Variants in MKS1 observed in about 807,000 individuals in gnomAD.
The protein encoded by MKS1 is MKS transition zone complex subunit 1, also known as tectonic-like complex member MKS1.
Under a neutral mutation model 83.7 loss-of-function variants are expected in MKS1, and 70 were observed. The observed-to-expected ratio is 0.84, with a 90% CI of 0.69 to 1.02. The LOEUF (loss-of-function observed/expected upper bound fraction) is 1.02, where lower values mean the gene tolerates loss of function less well. Among genes scored for constraint, MKS1 ranks in the 50% least tolerant of loss-of-function variants. MKS1 has a pLI of 0.00. For synonymous variants in MKS1, 251 were observed against 273.4 expected (o/e 0.92, Z 0.81); for missense variants, 681 against 726.9 (o/e 0.94, Z 0.73).
chr17:58,210,340 C>T (rs752068194), intron 11 of MKS1, among the ~76,000 whole-genome samples: 1 of 152,004 alleles, frequency 6.6e-6, no homozygotes, highest in Non-Finnish European at 1.5e-5. Context: ...TGTGGGTACT[C>T]TCACGGTTTA....
Position 58,216,701 on chromosome 17 carries a change from TCTC to T in MKS1, c.223_225del (p.Glu75del). ...AGCTTCTCCTGCCACCCAATCACAATCTCCTCCTCTTCGTCTTCCTCTGGGCGG... is the reference window on the plus strand; with the variant it reads ...AGCTTCTCCTGCCACCCAATCACAATCTCCTCTTCGTCTTCCTCTGGGCGG... On this transcript the variant is annotated inframe_deletion, in exon 3 of 18. Coordinates refer to ENST00000393119, the MANE Select transcript of MKS1 (RefSeq NM_017777.4). The T allele has an allele frequency of 6.2e-7, 1 of 1,614,106 alleles. No individual in the cohort carries two copies. Among genetic ancestry groups the T allele is most frequent in the Non-Finnish European group, 8.5e-7 (1 of 1,180,028 alleles).
chr17:58,218,952 TG>T, intron 1 of MKS1, 198 bp downstream of exon 1: 6 of 878,512 alleles, frequency 6.8e-6, no homozygotes, highest in Non-Finnish European at 1.1e-5. Flanking sequence ...AACAAAGACG[TG>T]AATGGACTTG....
intron 4 of MKS1, 90 bp from the exon 5 acceptor site, chr17:58,214,928 A>T (rs560056096): frequency 5.3e-6 from 8 of 1,520,232 alleles, no homozygotes; most frequent in Middle Eastern, 1.9e-4. Flanking sequence ...CTGAAACCTC[A>T]TCCAGGACCT....
At position 58,206,378 on chromosome 17, in the gene MKS1, G is replaced by A; in HGVS notation, c.1493C>T (p.Ala498Val). The A allele has an allele frequency of 6.2e-7, 1 of 1,614,096 alleles. No homozygotes were observed. Among genetic ancestry groups the A allele is most frequent in the Non-Finnish European group, 8.5e-7 (1 of 1,179,998 alleles). ...FRLHCLQQSR[A>V]FMESSSLQKR... ...CTGAAGGGAGCTCGATTCCATGAAG[G>A]CCCTGCAGGGAGGCCAGCCACATGG... Residue 498 changes from alanine (A) to valine (V), a missense_variant and splice_region_variant, in exon 17 of 18, where the codon GCC (alanine) becomes GTC (valine). Physicochemically the swap from Ala to Val is moderately conservative, Grantham distance 64. Coordinates refer to ENST00000393119, the MANE Select transcript of MKS1 (RefSeq NM_017777.4).
intron 1 of MKS1, 123 bp from the exon 2 acceptor site, chr17:58,218,852 G>C: frequency 1.1e-6 from 1 of 945,340 alleles, no homozygotes; most frequent in Non-Finnish European, 1.7e-6. Flanking sequence ...TGCAGACAAC[G>C]GAGAGGAGGT....
At chr17:58,214,616 A>G in intron 5 of MKS1, 125 bp downstream of exon 5, 1 of 1,086,750 alleles carries the variant, frequency 9.2e-7, no homozygotes, top group Non-Finnish European at 1.2e-6. Context: ...TTTTATATTT[A>G]TTTTTTAAAT....
In MKS1 at chr17:58,206,289, C is replaced by T. The variant is rs1555596664; in HGVS notation, c.1582G>A (p.Val528Met). The part of the protein sequence containing the change: ...GFSQQSSIHN[V>M]LEAFRRARRR... ...GCTGGGGGAGGGGACATACCTAGCA[C>T]ATTGTGAATGGAACTCTGCTGGCTG... Residue 528 changes from valine to methionine, a missense_variant, in exon 17 of 18, where the codon GTG becomes ATG. Coordinates refer to ENST00000393119, the MANE Select transcript of MKS1 (RefSeq NM_017777.4). The T allele has an allele frequency of 2.5e-6, 4 of 1,614,162 alleles. No individual in the cohort carries two copies. Among genetic ancestry groups the T allele is most frequent in the Non-Finnish European group, 2.5e-6 (3 of 1,180,028 alleles).
In MKS1 at chr17:58,212,544, AGGC is replaced by A. The variant is rs2143790200; in HGVS notation, c.859-113_859-111del. On this transcript the variant is annotated intron_variant, in intron 8 of 17. Transcript: ENST00000393119. ...AGTGGGAAGGGTCAGCAAGAGCTGG[AGGC>A]GTAAGCACCTGACTCACCGCCATTT... 5 of 1,200,174 alleles carry A rather than the reference AGGC, an allele frequency of 4.2e-6. No individual in the cohort carries two copies. The South Asian group carries it at 6.2e-5, about 15-fold the overall frequency. 74.3% of individuals were successfully genotyped at this position (1,200,174 alleles called of 1,614,324 possible). A position where few individuals can be genotyped will look rare whatever the true frequency, so the allele number is the denominator to read the frequency against.
chr17:58,219,178 C>T lies in MKS1; in HGVS notation c.53G>A (p.Arg18Gln). 6.4e-7 allele frequency: 1 copy of T among 1,551,296 alleles called. No individual in the cohort carries two copies. Among genetic ancestry groups the T allele is most frequent in the Non-Finnish European group, 8.7e-7 (1 of 1,146,992 alleles). The stretch of plus-strand genomic sequence containing the variant: ...GAGGCGCAAGTTGCGCACGGGGTCC[C>T]GGGAGCGATACACTGCCTCCCCGGT... ...TDTGEAVYRSRDPVRNLRLRV... is the reference protein window; with the variant it reads ...TDTGEAVYRSQDPVRNLRLRV... Residue 18 changes from arginine to glutamine, a missense_variant, in exon 1 of 18, where the codon CGG becomes CAG. This residue lies in a region of MKS1 where 365 missense variants were observed against 383.8 expected (regional missense o/e 0.95). Coordinates refer to ENST00000393119, the MANE Select transcript of MKS1 (RefSeq NM_017777.4).
In MKS1 at chr17:58,209,714, C is replaced by T. The variant is rs1265767350; in HGVS notation, c.1024+945G>A. ...GCAGGGGCCAGCTCATTCAGGGTAT[C>T]AAGTTTACATTTTACTCTAAGTGGG... On this transcript the variant is annotated intron_variant, in intron 11 of 17. Coordinates refer to ENST00000393119, the MANE Select transcript of MKS1 (RefSeq NM_017777.4). The surrounding 1 kb of genome is among the most constrained non-coding windows in gnomAD (Gnocchi z 4.1). Among the ~76,000 whole-genome samples, 1 of 152,168 alleles carries T rather than the reference C, an allele frequency of 6.6e-6. No individual in the cohort carries two copies.
At chr17:58,219,123 G>C (rs2143842371) in intron 1 of MKS1, 28 bp downstream of exon 1, 2 of 1,550,102 alleles carry the variant, frequency 1.3e-6, no homozygotes, top group South Asian at 1.2e-5. Context: ...AAAAGCATGG[G>C]GCCTCGGGGC....
chr17:58,218,481 GC>G (rs1174645878), intron 2 of MKS1, 138 bp downstream of exon 2: 3 of 152,598 alleles, frequency 2.0e-5, no homozygotes, highest in Non-Finnish European at 3.8e-5. Flanking sequence ...AAAAAAAAAA[GC>G]CACAAATAGA....
At position 58,211,006 on chromosome 17, in the gene MKS1, A is replaced by G. The variant is rs1304907848; in HGVS notation, c.932T>C (p.Leu311Pro). 6.2e-7 allele frequency: 1 copy of G among 1,613,932 alleles called. No homozygotes were observed. Among genetic ancestry groups the G allele is most frequent in the African/African-American group, 1.3e-5 (1 of 74,928 alleles). The change falls in exon 10 of 18, where the codon CTC (leucine) becomes CCC (proline). Residue 311 changes from leucine (L) to proline (P), a missense_variant. Leu to Pro is a moderately conservative substitution (Grantham distance 98). Around this residue, in one of 3 missense-constraint regions of MKS1, gnomAD observed 310 missense variants for 321.7 expected, o/e 0.96. Coordinates refer to ENST00000393119, the MANE Select transcript of MKS1 (RefSeq NM_017777.4). ...GACCTCTCCATTTACAAAGAGCCGGAGGGCACCTGGGACAGTCTAAGGTGA... is the reference window on the plus strand; with the variant it reads ...GACCTCTCCATTTACAAAGAGCCGGGGGGCACCTGGGACAGTCTAAGGTGA... ...TDFEMTVPGA[L>P]RLFVNGEVVS...
Position 58,208,001 on chromosome 17 carries a change from T to A in MKS1, c.1166A>T (p.Asp389Val), listed in dbSNP as rs373004412. 9 of 1,613,572 alleles carry A rather than the reference T, an allele frequency of 5.6e-6. No individual in the cohort carries two copies. The highest frequency in any genetic ancestry group is 6.8e-6 in the Non-Finnish European group (8 of 1,179,780). The part of the protein sequence containing the change: ...AFFLHEDESS[D>V]ALPEWPVLYC... Reference sequence around the variant, plus strand: ...GAGCACAGGCCACTCCGGGAGTGCATCTGGGAGCAAGGAGAGAAGCGGCCA... The same window carrying A: ...GAGCACAGGCCACTCCGGGAGTGCAACTGGGAGCAAGGAGAGAAGCGGCCA... The change falls in exon 14 of 18, where the codon GAT becomes GTT. Residue 389 changes from aspartate (D) to valine (V), a missense_variant and splice_region_variant. This residue lies in a region of MKS1 where 310 missense variants were observed against 321.7 expected (regional missense o/e 0.96). Coordinates refer to ENST00000393119, the MANE Select transcript of MKS1 (RefSeq NM_017777.4).
At chr17:58,206,261 C>G (rs1968498258) in intron 17 of MKS1, 22 bp downstream of exon 17, 1 of 1,613,878 alleles carries the variant, frequency 6.2e-7, no homozygotes, top group Non-Finnish European at 8.5e-7. Context: ...CCTGGGGTGG[C>G]CAGCTGGGGG....
At chr17:58,218,408 AC>A (rs1969369271) in intron 2 of MKS1, 3 of 417,394 alleles carry the variant, frequency 7.2e-6, no homozygotes, top group Non-Finnish European at 1.3e-5. Flanking sequence ...AGATAGCGAC[AC>A]TGCACTTCAG....
Position 58,208,519 on chromosome 17 carries a change from C to A in MKS1, c.1089G>T (p.Leu363=). The change falls in exon 12 of 18, where the codon CTG becomes CTT. Residue 363 remains leucine (L), a synonymous_variant. Coordinates refer to ENST00000393119, the MANE Select transcript of MKS1 (RefSeq NM_017777.4). ...CCGCTCTCATTCTCCATACCATTGC[C>A]AGGGACTTGGTGGTGCAGGTCTGTG... ...GVTQTCTTKS[L]AMDKVAHFSY... is the part of the protein sequence containing the mutation. 6.2e-7 allele frequency: 1 copy of A among 1,614,086 alleles called. No individual in the cohort carries two copies.
intron 8 of MKS1, 142 bp from the exon 9 acceptor site, chr17:58,212,576 C>T (rs1041657108): frequency 1.1e-5 from 10 of 916,804 alleles, no homozygotes; most frequent in Admixed American, 7.9e-5. Flanking sequence ...GCCATTTTAC[C>T]GTGAAGCAGA....
Position 58,211,897 on chromosome 17 carries a change from A to G in MKS1, c.915+481T>C, listed in dbSNP as rs199950653. ...TTTTAAGAGCCAAAATATGTGACAA[A>G]CAGAAATGGCACCCCTGCCTCTCTA... On this transcript the variant is annotated intron_variant, in intron 9 of 17. Coordinates refer to ENST00000393119, the MANE Select transcript of MKS1 (RefSeq NM_017777.4). Among the ~76,000 whole-genome samples the G allele has an allele frequency of 5.3e-5, 8 of 152,234 alleles. No individual in the cohort carries two copies. In the East Asian group the frequency reaches 1.5e-3, roughly 29 times the overall value.
Sources: gnomAD v4.1 joint callset for allele counts (sites outside exome capture counted in the v4.1 genomes callset) on GRCh38, gnomAD v4.1.1 for gene constraint, gnomAD v4.1.1 regional missense constraint, Gnocchi (gnomAD v3.1) non-coding constraint, MANE v1.5 for transcripts, NCBI Gene and HGNC (gene_info 2026-07-23, HGNC 2026-07-21) for gene names.